The following DIPK1B variants were observed in gnomAD, a reference collection of about 807,000 sequenced individuals.
DIPK1B encodes divergent protein kinase domain 1B, also known as family with sequence similarity 69 member B.
Under a neutral mutation model 20.7 loss-of-function variants are expected in DIPK1B, and 17 were observed. The observed-to-expected ratio is 0.82, with a 90% CI of 0.56 to 1.23. The LOEUF is 1.23. Ranked by LOEUF, DIPK1B falls within the 50% of genes most tolerant of loss-of-function variation. DIPK1B has a pLI of 0.00. For synonymous variants in DIPK1B, 343 were observed against 276.5 expected (o/e 1.24, Z -2.39); for missense variants, 648 against 601.8 (o/e 1.08, Z -0.80).
chr9:136,720,050 CTCCGGGTGCAGGGGGCTGGTCTGGGGT>C (rs1257385722), intron 2 of DIPK1B, among the ~76,000 whole-genome samples: 15 of 143,446 alleles, frequency 1.0e-4, no homozygotes, highest in Middle Eastern at 7.1e-3. Flanking sequence ...TGGTCTGGGG[CTCCGGGTGCAGGGGGCTGGTCTGGGGT>C]TCCGGGTGCA....
intron 1 of DIPK1B, among the ~76,000 whole-genome samples, chr9:136,714,406 C>A (rs1387793651): frequency 6.6e-6 from 1 of 152,226 alleles, no homozygotes; most frequent in East Asian, 1.9e-4. Flanking sequence ...CAAGCCCAGT[C>A]GGGGCTCTGG....
intron 2 of DIPK1B, among the ~76,000 whole-genome samples, chr9:136,719,068 T>C (rs1376666018): frequency 1.4e-5 from 2 of 141,800 alleles, no homozygotes; most frequent in Admixed American, 7.2e-5. Flanking sequence ...GGGAAGGCTG[T>C]GCCCCGATCA....
rs889188647 is a variant in DIPK1B, at chr9:136,718,561, T to C, written c.198+850T>C. On this transcript the variant is annotated intron_variant, in intron 2 of 4. Transcript: ENST00000371692. ...GGCAAACCCTAGACTCGCCCAGAAC[T>C]GGGCAGGTCCCCCACTGAATTTTGA... is the stretch of plus-strand genomic sequence containing the variant. Among the ~76,000 whole-genome samples, 4 of 152,294 alleles carry C rather than the reference T, an allele frequency of 2.6e-5. No homozygotes were observed. In the South Asian group the frequency reaches 8.3e-4, roughly 32 times the overall value.
intron 1 of DIPK1B, among the ~76,000 whole-genome samples, chr9:136,714,331 G>GAAC (rs200942999): frequency 6.6e-6 from 1 of 152,202 alleles, no homozygotes; most frequent in African/African-American, 2.4e-5. Flanking sequence ...TGTCTCAAAA[G>GAAC]AACAACAACA....
At chr9:136,721,896 G>C (rs752221854) in intron 2 of DIPK1B, 25 bp from the exon 3 acceptor site, 81 of 1,607,304 alleles carry the variant, frequency 5.0e-5, no homozygotes, top group Non-Finnish European at 6.5e-5. Context: ...TGCCCCGCCC[G>C]GCACGCCTGC....
rs1308744766 is a variant in DIPK1B, at chr9:136,712,572, A to G, written c.-94A>G. 1.3e-5 allele frequency: 6 copies of G among 474,276 alleles called. No homozygotes were observed. The highest frequency in any genetic ancestry group is 4.3e-5 in the African/African-American group (2 of 46,544). The allele number at this position is 474,276 out of a possible 1,614,324, so 29.4% of individuals were successfully genotyped here. The stretch of plus-strand genomic sequence containing the variant: ...GCGGGCCCGGGGGCGCGCGGCCCGC[A>G]TGGCGAGGGAGCGGCGGCCGCTGCG... On this transcript the variant is annotated 5_prime_UTR_variant, in exon 1 of 5. It removes an upstream start codon present in the reference 5' UTR. Coordinates refer to ENST00000371692, the MANE Select transcript of DIPK1B (RefSeq NM_152421.4). This position sits in a 1 kb window ranked among gnomAD's most constrained non-coding sequence, Gnocchi z 5.6.
intron 4 of DIPK1B, 51 bp from the exon 5 acceptor site, chr9:136,722,911 C>A: frequency 6.6e-7 from 1 of 1,522,892 alleles, no homozygotes; most frequent in East Asian, 2.3e-5. Context: ...AGGTCGTGCT[C>A]CCAGACATCA....
chr9:136,715,067 G>T (rs1173734655), intron 1 of DIPK1B, among the ~76,000 whole-genome samples: 1 of 152,272 alleles, frequency 6.6e-6, no homozygotes, highest in Non-Finnish European at 1.5e-5. Flanking sequence ...GGTGTGGCCA[G>T]GCGCTGCCGG....
Position 136,722,401 on chromosome 9 carries a change from T to G in DIPK1B, c.483+100T>G, listed in dbSNP as rs1334007972. 3.8e-6 allele frequency: 5 copies of G among 1,305,600 alleles called. No individual in the cohort carries two copies. In the African/African-American group the frequency reaches 7.3e-5, roughly 19 times the overall value. The allele number at this position is 1,305,600 out of a possible 1,614,324, so 80.9% of individuals were successfully genotyped here. On this transcript the variant is annotated intron_variant, in intron 4 of 4. Transcript: ENST00000371692. ...AACATGCCCAGCGCAAAGGCACAGA[T>G]GGGCCCAAGTGGACCCTGGGCAGAC... is the stretch of plus-strand genomic sequence containing the variant.
intron 1 of DIPK1B, among the ~76,000 whole-genome samples, chr9:136,715,512 GCTTA>G (rs1313257278): frequency 1.3e-5 from 2 of 150,928 alleles, no homozygotes; most frequent in African/African-American, 4.9e-5. Flanking sequence ...GGGGCTGCCT[GCTTA>G]CTTTTTTTTT....
rs866055355 is a variant in DIPK1B at position 136,717,689 on chromosome 9, G to A, written c.176G>A (p.Gly59Asp). ...TCGTCCTACTCGGAGCGCTGTCGCG[G>A]CCATGTCTGCCAGGTGGTCATTGTA... ...HYSSYSERCR[G>D]HVCQVVICDQ... The change falls in exon 2 of 5, where the codon GGC becomes GAC. Residue 59 changes from glycine (G) to aspartate (D), a missense_variant. By Grantham distance (94) the Gly-to-Asp change is moderately conservative. Transcript: ENST00000371692. The A allele has an allele frequency of 6.2e-7, 1 of 1,610,924 alleles. No individual in the cohort carries two copies.
intron 1 of DIPK1B, among the ~76,000 whole-genome samples, chr9:136,714,787 A>G (rs117368305): frequency 6.6e-6 from 1 of 152,266 alleles, no homozygotes; most frequent in East Asian, 1.9e-4. Context: ...CCCCACTGCT[A>G]CTGGAGGTCT....
In DIPK1B at chr9:136,722,152, G is replaced by A; in HGVS notation, c.334G>A (p.Asp112Asn). The change falls in exon 4 of 5, where the codon GAT (aspartate) becomes AAT (asparagine). Residue 112 changes from aspartate to asparagine, a missense_variant. By Grantham distance (23) the Asp-to-Asn change is conservative (BLOSUM62 1). Coordinates refer to ENST00000371692, the MANE Select transcript of DIPK1B (RefSeq NM_152421.4). Reference sequence around the variant, plus strand: ...GTACAGCGGGCTCTGGCGGGACAAGGATGTAACCATCAAGTGTGGCATTGA... The same window carrying A: ...GTACAGCGGGCTCTGGCGGGACAAGAATGTAACCATCAAGTGTGGCATTGA... ...QVYSGLWRDKDVTIKCGIEET... is the reference protein window; with the variant it reads ...QVYSGLWRDKNVTIKCGIEET... 1.9e-6 allele frequency: 3 copies of A among 1,614,036 alleles called. No homozygotes were observed. Among genetic ancestry groups the A allele is most frequent in the Non-Finnish European group, 2.5e-6 (3 of 1,180,004 alleles).
Position 136,724,137 on chromosome 9 carries a change from GC to G in DIPK1B, c.*367del. On this transcript the variant is annotated 3_prime_UTR_variant, in exon 5 of 5. Coordinates refer to ENST00000371692, the MANE Select transcript of DIPK1B (RefSeq NM_152421.4). ...GCCCAGGCACTCAGGCTGGGGTTGA[GC>G]CCCTGAATCCTTCCTGGCGAGGCAG... The G allele has an allele frequency of 3.7e-6, 1 of 269,180 alleles. No individual in the cohort carries two copies. Among genetic ancestry groups the G allele is most frequent in the South Asian group, 3.9e-5 (1 of 25,758 alleles). 16.7% of individuals were successfully genotyped at this position (269,180 alleles called of 1,614,324 possible).
rs1453099171 is a variant in DIPK1B at position 136,724,683 on chromosome 9, C to A, written c.*909C>A. 6.6e-6 allele frequency: 1 copy of A among 152,274 alleles called. No individual in the cohort carries two copies. Among genetic ancestry groups the A allele is most frequent in the Admixed American group, 6.5e-5 (1 of 15,288 alleles). The allele number at this position is 152,274 out of a possible 1,614,324, so 9.4% of individuals were successfully genotyped here. On this transcript the variant is annotated 3_prime_UTR_variant, in exon 5 of 5. Transcript: ENST00000371692. Reference sequence around the variant, plus strand: ...TGCATTTAAATCTTTTAATTCACTTCATCCTGTATTTTAAAATAAATGTTT... The same window carrying A: ...TGCATTTAAATCTTTTAATTCACTTAATCCTGTATTTTAAAATAAATGTTT...
intron 2 of DIPK1B, among the ~76,000 whole-genome samples, chr9:136,718,343 T>C (rs11145843): frequency 0.6 from 90,467 of 151,884 alleles, 27,263 homozygotes; most frequent in East Asian, 0.73. Context: ...AGGGGTCCCC[T>C]GAGGCAGGTG....
At chr9:136,718,183 CCGTGTGCTGGCCT>C (rs1846531189) in intron 2 of DIPK1B, among the ~76,000 whole-genome samples, 7 of 33,814 alleles carry the variant, frequency 2.1e-4, no homozygotes, top group Non-Finnish European at 3.9e-4. Context: ...ATAGAGACCA[CCGTGTGCTGGCCT>C]CACTGGTCCA....
At position 136,723,508 on chromosome 9, in the gene DIPK1B, C is replaced by A; in HGVS notation, c.1030C>A (p.Arg344Ser). 6.2e-7 allele frequency: 1 copy of A among 1,603,512 alleles called. No individual in the cohort carries two copies. ...CEHSTDCTYG[R>S]DCRAPCDRLM... ...GCACAGCACCGACTGCACCTACGGG[C>A]GCGACTGCAGGGCCCCGTGTGACAG... is the stretch of plus-strand genomic sequence containing the variant. Residue 344 changes from arginine to serine, a missense_variant, in exon 5 of 5, where the codon CGC becomes AGC. Transcript: ENST00000371692.
At position 136,718,956 on chromosome 9, in the gene DIPK1B, G is replaced by A. The variant is rs79276086; in HGVS notation, c.198+1245G>A. Among the ~76,000 whole-genome samples the A allele has an allele frequency of 8.4e-3, 1,285 of 152,218 alleles. 20 individuals are homozygous for A. The highest frequency in any genetic ancestry group is 0.029 in the African/African-American group (1,188 of 41,536). ...CCATGCCAGCCCAGGGGAGGCCTCC[G>A]GGCCCCTGGACCAGGCCTTGCTCAC... On this transcript the variant is annotated intron_variant, in intron 2 of 4. Coordinates refer to ENST00000371692, the MANE Select transcript of DIPK1B (RefSeq NM_152421.4).
Sources: allele counts gnomAD v4.1 joint callset (sites outside exome capture counted in the v4.1 genomes callset), GRCh38; gene constraint gnomAD v4.1.1; non-coding constraint Gnocchi (gnomAD v3.1); transcripts MANE v1.5; gene names NCBI Gene and HGNC (gene_info 2026-07-23, HGNC 2026-07-21).